The following FAM120A variants were observed in gnomAD, a reference collection of about 807,000 sequenced individuals.
FAM120A encodes constitutive coactivator of PPAR-gamma-like protein 1.
Under a neutral mutation model 109.7 loss-of-function variants are expected in FAM120A, and 15 were observed. The ratio of observed to expected loss-of-function variants is 0.14; its 90% confidence interval spans 0.09 to 0.21. The LOEUF (loss-of-function observed/expected upper bound fraction) is 0.21. Among genes scored for constraint, FAM120A ranks in the 10% least tolerant of loss-of-function variants. The pLI, the probability that FAM120A is intolerant of heterozygous loss-of-function variation, is 1.00. For synonymous variants in FAM120A, 493 were observed against 572.8 expected (o/e 0.86, Z 1.99); for missense variants, 899 against 1,439.3 (o/e 0.62, Z 6.07).
intron 3 of FAM120A, among the ~76,000 whole-genome samples, chr9:93,495,391 T>C (rs1381160984): frequency 6.6e-6 from 1 of 152,230 alleles, no homozygotes; most frequent in Admixed American, 6.5e-5. Flanking sequence ...TGTCCCTGTT[T>C]TGTGCATTCC....
At chr9:93,539,002 G>GTT (rs142352504) in intron 10 of FAM120A, among the ~76,000 whole-genome samples, 124 of 144,818 alleles carry the variant, frequency 8.6e-4, no homozygotes, top group Middle Eastern at 7.0e-3. Flanking sequence ...CCCTAGAGTT[G>GTT]TTTTTTTTTT....
At chr9:93,486,013 C>T (rs1289177616) in intron 3 of FAM120A, among the ~76,000 whole-genome samples, 1 of 152,170 alleles carries the variant, frequency 6.6e-6, no homozygotes, top group African/African-American at 2.4e-5. Flanking sequence ...CTGTGTCCTA[C>T]TCTGGAGTGC....
At chr9:93,519,984 T>G (rs1389181218) in intron 7 of FAM120A, among the ~76,000 whole-genome samples, 2 of 152,060 alleles carry the variant, frequency 1.3e-5, no homozygotes, top group Non-Finnish European at 2.9e-5. Context: ...CAGGTGATCC[T>G]CACACCTTAG....
At chr9:93,520,382 A>G (rs1588876013) in intron 7 of FAM120A, among the ~76,000 whole-genome samples, 2 of 152,332 alleles carry the variant, frequency 1.3e-5, no homozygotes, top group Non-Finnish European at 2.9e-5. Context: ...AGGTATAAGC[A>G]TGGAATTCAC....
At chr9:93,522,078 T>TAAAA (rs1302537269) in intron 7 of FAM120A, among the ~76,000 whole-genome samples, 1 of 152,210 alleles carries the variant, frequency 6.6e-6, no homozygotes. Context: ...AGATCCTGTT[T>TAAAA]AAAAAACAAA....
intron 1 of FAM120A, among the ~76,000 whole-genome samples, chr9:93,460,266 G>T (rs1388057394): frequency 6.6e-6 from 1 of 152,088 alleles, no homozygotes. Context: ...AATAAAACAG[G>T]CATTTAAATG....
At chr9:93,536,248 A>G (rs1325064853) in intron 10 of FAM120A, among the ~76,000 whole-genome samples, 3 of 152,210 alleles carry the variant, frequency 2.0e-5, no homozygotes, top group Non-Finnish European at 2.9e-5. Context: ...CCATAAGCCA[A>G]AGAAAGAGTC....
chr9:93,472,132 C>T (rs961277370), intron 2 of FAM120A, among the ~76,000 whole-genome samples: 4 of 152,036 alleles, frequency 2.6e-5, no homozygotes, highest in South Asian at 2.1e-4. Context: ...TGGTGGTGGG[C>T]GCCTATAATC....
chr9:93,483,264 A>T (rs1383573931), intron 3 of FAM120A, among the ~76,000 whole-genome samples: 4 of 152,172 alleles, frequency 2.6e-5, no homozygotes, highest in Admixed American at 6.5e-5. Context: ...GTTATATTAT[A>T]ATAGTTTAGT....
At chr9:93,459,485 AG>A (rs1378687446) in intron 1 of FAM120A, among the ~76,000 whole-genome samples, 1 of 152,084 alleles carries the variant, frequency 6.6e-6, no homozygotes, top group East Asian at 1.9e-4. Flanking sequence ...TTCTCCTTTC[AG>A]CAAATGTTTG....
At chr9:93,544,135 G>T (rs72745433) in intron 11 of FAM120A, among the ~76,000 whole-genome samples, 40 of 152,298 alleles carry the variant, frequency 2.6e-4, no homozygotes, top group South Asian at 1.2e-3. Context: ...TTCACTTGAG[G>T]TTATATCCAG....
rs550418782 is a variant in FAM120A, at chr9:93,532,517, T to A, written c.1909+188T>A. On this transcript the variant is annotated intron_variant, in intron 10 of 17. Transcript: ENST00000277165. The surrounding 1 kb of genome is among the most constrained non-coding windows in gnomAD (Gnocchi z 4.3). Reference sequence around the variant, plus strand: ...GAAAAGGAGGAGAAGCCACAGACTTTCTTCCTCAGTAACATTCCAATAATG... The same window carrying A: ...GAAAAGGAGGAGAAGCCACAGACTTACTTCCTCAGTAACATTCCAATAATG... 680 of 603,584 alleles carry A rather than the reference T, an allele frequency of 1.1e-3. No homozygotes were observed. Among genetic ancestry groups the A allele is most frequent in the Middle Eastern group, 2.2e-3 (5 of 2,232 alleles). 37.4% of individuals were successfully genotyped at this position (603,584 alleles called of 1,614,324 possible).
intron 1 of FAM120A, among the ~76,000 whole-genome samples, chr9:93,455,614 G>A (rs1030778801): frequency 1.3e-5 from 2 of 151,972 alleles, no homozygotes; most frequent in Admixed American, 1.3e-4. Flanking sequence ...GCTTTCTAGT[G>A]TTTTGTAAAT....
intron 1 of FAM120A, among the ~76,000 whole-genome samples, chr9:93,463,515 T>G (rs1454088915): frequency 1.3e-5 from 2 of 152,128 alleles, no homozygotes; most frequent in Non-Finnish European, 2.9e-5. Flanking sequence ...CAAATTGGAG[T>G]TGACTTTTTT....
In FAM120A at chr9:93,564,280, T is replaced by G. The variant is rs148570254; in HGVS notation, c.3097T>G (p.Ser1033Ala). The G allele has an allele frequency of 4.3e-5, 69 of 1,613,784 alleles. No individual in the cohort carries two copies. Among genetic ancestry groups the G allele is most frequent in the Non-Finnish European group, 5.8e-5 (68 of 1,179,860 alleles). The change falls in exon 18 of 18, where the codon TCA becomes GCA. Residue 1033 changes from serine (S) to alanine (A), a missense_variant. Ser to Ala is a moderately conservative substitution (Grantham distance 99). Coordinates refer to ENST00000277165, the MANE Select transcript of FAM120A (RefSeq NM_014612.5). The stretch of plus-strand genomic sequence containing the variant: ...AGAAGAAGTGGCCAAAGAACTTAAG[T>G]CAAAATCTGGGGAATCGAAGTCCTC... ...SAEEVAKELK[S>A]KSGESKSSAM...
intron 1 of FAM120A, chr9:93,453,238 C>A: frequency 2.0e-6 from 2 of 994,396 alleles, no homozygotes; most frequent in Non-Finnish European, 2.4e-6. Context: ...TTCAGCGGTG[C>A]CCTGACGGGT....
At chr9:93,535,645 A>G (rs960015748) in intron 10 of FAM120A, among the ~76,000 whole-genome samples, 8 of 152,204 alleles carry the variant, frequency 5.3e-5, no homozygotes, top group African/African-American at 1.9e-4. Context: ...TAGGGAGCTG[A>G]TAAAATTGAA....
Position 93,534,169 on chromosome 9 carries a change from C to T in FAM120A, c.1909+1840C>T, listed in dbSNP as rs550236279. 5.3e-5 allele frequency among the ~76,000 whole-genome samples: 8 copies of T among 152,248 alleles called. No individual in the cohort carries two copies. In the South Asian group the frequency reaches 8.3e-4, roughly 16 times the overall value. Reference sequence around the variant, plus strand: ...GTCTTGGTCTAGGTTGGGAGGTCTCCGTCTGGGCCTGGGAGAGGCTGTCCT... The same window carrying T: ...GTCTTGGTCTAGGTTGGGAGGTCTCTGTCTGGGCCTGGGAGAGGCTGTCCT... On this transcript the variant is annotated intron_variant, in intron 10 of 17. Transcript: ENST00000277165.
chr9:93,517,641 G>A (rs570797099), intron 7 of FAM120A, among the ~76,000 whole-genome samples: 134 of 152,304 alleles, frequency 8.8e-4, no homozygotes, highest in African/African-American at 3.1e-3. Context: ...TAGGTAAGAA[G>A]TAAGACAAAA....
Sources: gnomAD v4.1 joint callset for allele counts (sites outside exome capture counted in the v4.1 genomes callset) on GRCh38, gnomAD v4.1.1 for gene constraint, Gnocchi (gnomAD v3.1) non-coding constraint, MANE v1.5 for transcripts, NCBI Gene and HGNC (gene_info 2026-07-23, HGNC 2026-07-21) for gene names.